Variants in RYR2 observed in about 807,000 individuals in gnomAD.
The protein encoded by RYR2 is cardiac muscle ryanodine receptor-calcium release channel.
In RYR2, 227 loss-of-function variants were observed where a neutral mutation model predicts 601.1. The ratio of observed to expected loss-of-function variants is 0.38; its 90% CI spans 0.34 to 0.42. The LOEUF (loss-of-function observed/expected upper bound fraction) is 0.42, where lower values mean the gene tolerates loss of function less well. Among genes scored for constraint, RYR2 ranks in the 10% least tolerant of loss-of-function variants. The probability of loss-of-function intolerance (pLI) is 1.00; values close to 1 mark genes in which losing one functional copy is unlikely to be tolerated. For synonymous variants in RYR2, 2,223 were observed against 2,175.1 expected (o/e 1.02, Z -0.61); for missense variants, 4,646 against 6,156.5 (o/e 0.75, Z 8.21).
intron 1 of RYR2, among the ~76,000 whole-genome samples, chr1:237,149,046 T>C (rs1403294533): frequency 6.6e-6 from 1 of 152,164 alleles, no homozygotes; most frequent in East Asian, 1.9e-4. Context: ...GCAAATCAAG[T>C]AGGATAAATT....
intron 12 of RYR2, among the ~76,000 whole-genome samples, chr1:237,427,781 TCAAAAAAAA>T (rs1706330896): frequency 3.0e-5 from 1 of 32,924 alleles, no homozygotes; most frequent in African/African-American, 1.7e-4. Context: ...AGACTCTGCC[TCAAAAAAAA>T]AAAAAAAAAA....
chr1:237,272,561 A>G (rs962428510), intron 2 of RYR2, among the ~76,000 whole-genome samples: 1 of 148,724 alleles, frequency 6.7e-6, no homozygotes, highest in Non-Finnish European at 1.5e-5. Context: ...TGTATAATTT[A>G]TATATATTAG....
At chr1:237,804,053 C>A (rs955258871) in intron 98 of RYR2, among the ~76,000 whole-genome samples, 2 of 152,070 alleles carry the variant, frequency 1.3e-5, no homozygotes, top group African/African-American at 4.8e-5. Flanking sequence ...AAAAAAGAGA[C>A]CATGTGTGCA....
chr1:237,490,196 G>A (rs78890714), intron 17 of RYR2, among the ~76,000 whole-genome samples: 1,694 of 152,220 alleles, frequency 0.011, 37 homozygotes, highest in African/African-American at 0.038. Flanking sequence ...AAGGGGGATC[G>A]AACAAGGGTT....
rs1692851694 is a variant in RYR2, at chr1:237,755,211, C to A, written c.11146-1077C>A. 4.5e-6 allele frequency: 3 copies of A among 666,662 alleles called. No individual in the cohort carries two copies. In the East Asian group the frequency reaches 2.7e-4, roughly 60 times the overall value. 41.3% of individuals were successfully genotyped at this position (666,662 alleles called of 1,614,324 possible). On this transcript the variant is annotated intron_variant, in intron 80 of 104. Transcript: ENST00000366574. ...ATTTCTTTTCCCCCTCCTTTTAGTT[C>A]ACTTTATTTTTCATATTCTGTAACT...
intron 37 of RYR2, 55 bp from the exon 38 acceptor site, chr1:237,617,231 C>T: frequency 7.0e-7 from 1 of 1,432,760 alleles, no homozygotes; most frequent in South Asian, 1.3e-5. Flanking sequence ...TGATTTCATA[C>T]ACATTATTAA....
Position 237,387,134 on chromosome 1 carries a change from T to G in RYR2, c.577-147T>G, listed in dbSNP as rs1702011589. On this transcript the variant is annotated intron_variant, in intron 8 of 104. Transcript: ENST00000366574. ...GAGGAACTTCTTTTCTTCTGACTAG[T>G]TTTTTGATTCTTGAATGACAGGTTG... 13 of 703,204 alleles carry G rather than the reference T, an allele frequency of 1.8e-5. No individual in the cohort carries two copies. In the South Asian group the frequency reaches 2.2e-4, roughly 12 times the overall value. 43.6% of individuals were successfully genotyped at this position (703,204 alleles called of 1,614,324 possible).
chr1:237,818,977 G>A lies in RYR2; in HGVS notation c.14434-59G>A. ...GGAACTACAGAGATAACTCGGGTTT[G>A]TCGAGAAAAAAAAATGGGTAATGTC... On this transcript the variant is annotated intron_variant, in intron 100 of 104. Transcript: ENST00000366574. 4 of 1,510,424 alleles carry A rather than the reference G, an allele frequency of 2.6e-6. No individual in the cohort carries two copies. In the South Asian group the frequency reaches 5.0e-5, roughly 19 times the overall value. The allele number at this position is 1,510,424 out of a possible 1,614,324, so 93.6% of individuals were successfully genotyped here. A position where few individuals can be genotyped will look rare whatever the true frequency, so the allele number is the denominator to read the frequency against.
In RYR2 at chr1:237,610,825, C is replaced by T. The variant is rs200070226; in HGVS notation, c.4747C>T (p.Pro1583Ser). The T allele has an allele frequency of 8.4e-5, 136 of 1,612,216 alleles. No homozygotes were observed. Among genetic ancestry groups the T allele is most frequent in the Middle Eastern group, 6.8e-4 (4 of 5,918 alleles). ...GCACAAGAACCCCGTGCCGCAGTGC[C>T]CCCCGCGCCTCCACGTGCAGTTCCT... The part of the protein sequence containing the change: ...SEHKNPVPQC[P>S]PRLHVQFLSH... The change falls in exon 36 of 105, where the codon CCC (proline) becomes TCC (serine). Residue 1583 changes from proline (P) to serine (S), a missense_variant. Pro to Ser is a moderately conservative substitution (Grantham distance 74, BLOSUM62 -1). Around this residue, in one of 17 missense-constraint regions of RYR2, gnomAD observed 1,807 missense variants for 2,088.1 expected, o/e 0.87. Transcript: ENST00000366574. This position sits in a 1 kb window ranked among gnomAD's most constrained non-coding sequence, Gnocchi z 4.9.
rs767550984 is a variant in RYR2 at position 237,806,297 on chromosome 1, C to A, written c.14298+14C>A. The A allele has an allele frequency of 1.9e-6, 3 of 1,597,804 alleles. No individual in the cohort carries two copies. The Admixed American group carries it at 5.2e-5, about 28-fold the overall frequency. Reference sequence around the variant, plus strand: ...AATGGCAAACAGGTAAACAGTTTATCTTTTTCCTCCCTTGCAGAAAATAAA... The same window carrying A: ...AATGGCAAACAGGTAAACAGTTTATATTTTTCCTCCCTTGCAGAAAATAAA... On this transcript the variant is annotated intron_variant, in intron 99 of 104. Transcript: ENST00000366574.
chr1:237,292,781 G>A (rs1178769706), intron 2 of RYR2, among the ~76,000 whole-genome samples: 2 of 152,138 alleles, frequency 1.3e-5, no homozygotes, highest in African/African-American at 4.8e-5. Context: ...TTGGGGGAAG[G>A]TAGTTAAGCT....
intron 10 of RYR2, among the ~76,000 whole-genome samples, chr1:237,409,081 G>A (rs1289819823): frequency 1.3e-5 from 2 of 152,052 alleles, no homozygotes; most frequent in Non-Finnish European, 2.9e-5. Context: ...GATTCTTTGA[G>A]ATTGGGGTAA....
intron 1 of RYR2, among the ~76,000 whole-genome samples, chr1:237,231,329 T>C (rs545633440): frequency 8.2e-4 from 124 of 151,930 alleles, no homozygotes; most frequent in African/African-American, 2.8e-3. Context: ...TTTCTTTCTT[T>C]TTTTTTTTCT....
intron 4 of RYR2, among the ~76,000 whole-genome samples, chr1:237,357,948 A>G (rs1172804342): frequency 1.3e-5 from 2 of 152,186 alleles, no homozygotes; most frequent in African/African-American, 2.4e-5. Context: ...TAAATGTTGC[A>G]GCAAATTTTA....
At chr1:237,142,621 G>T (rs1178305755) in intron 1 of RYR2, among the ~76,000 whole-genome samples, 1 of 152,124 alleles carries the variant, frequency 6.6e-6, no homozygotes, top group Non-Finnish European at 1.5e-5. Flanking sequence ...TTCATTGGTG[G>T]GGCAGTTGGG....
chr1:237,460,808 C>T (rs986026370), intron 16 of RYR2, among the ~76,000 whole-genome samples: 4 of 152,136 alleles, frequency 2.6e-5, no homozygotes, highest in Non-Finnish European at 4.4e-5. Context: ...TGGCAATAGT[C>T]ATTCCCCTCA....
At chr1:237,587,718 C>T (rs1674685358) in intron 29 of RYR2, among the ~76,000 whole-genome samples, 1 of 152,112 alleles carries the variant, frequency 6.6e-6, no homozygotes, top group South Asian at 2.1e-4. Flanking sequence ...AATATTTGTG[C>T]ATATTACTAG....
chr1:237,127,474 C>G (rs565191520), intron 1 of RYR2, among the ~76,000 whole-genome samples: 1,988 of 151,158 alleles, frequency 0.013, 20 homozygotes, highest in Non-Finnish European at 0.022. Context: ...CTGACCCCCC[C>G]ACCTCCTTCC....
chr1:237,649,996 C>A lies in RYR2; in HGVS notation c.7632C>A (p.Leu2544=). 1.2e-6 allele frequency: 2 copies of A among 1,614,002 alleles called. No individual in the cohort carries two copies. Among genetic ancestry groups the A allele is most frequent in the Non-Finnish European group, 1.7e-6 (2 of 1,179,888 alleles). Reference sequence around the variant, plus strand: ...CTGGCACAGAGCACCACGCTTCTCTCATTGACTCATTACTTCATACTGTGT... The same window carrying A: ...CTGGCACAGAGCACCACGCTTCTCTAATTGACTCATTACTTCATACTGTGT... ...LFAGTEHHAS[L]IDSLLHTVYR... The change falls in exon 50 of 105, where the codon CTC becomes CTA. Residue 2544 remains leucine (L), a synonymous_variant. Transcript: ENST00000366574.
Sources: gnomAD v4.1 joint callset for allele counts (sites outside exome capture counted in the v4.1 genomes callset) on GRCh38, gnomAD v4.1.1 for gene constraint, gnomAD v4.1.1 regional missense constraint, Gnocchi (gnomAD v3.1) non-coding constraint, MANE v1.5 for transcripts, NCBI Gene and HGNC (gene_info 2026-07-23, HGNC 2026-07-21) for gene names.